DLG2: variants seen among roughly 807,000 people sequenced by gnomAD.
DLG2 encodes the protein disks large homolog 2.
DLG2 carries 45 observed loss-of-function variants against 132.5 expected under a neutral mutation model. That is an observed-to-expected ratio of 0.34 (90% CI 0.27 to 0.44). DLG2 has a LOEUF of 0.44. Ranked by LOEUF, DLG2 falls within the 20% of genes least tolerant of loss-of-function variation. The pLI is 1.00. For missense variants in DLG2, 1,045 were observed against 1,196.9 expected, an observed-to-expected ratio of 0.87 and a Z score of 1.87; for synonymous variants, 424 against 419.6, an observed-to-expected ratio of 1.01 and a Z score of -0.13.
intron 7 of DLG2, among the ~76,000 whole-genome samples, chr11:84,449,990 C>T (rs1259176976): frequency 6.6e-6 from 1 of 151,612 alleles, no homozygotes; most frequent in Non-Finnish European, 1.5e-5. Context: ...TTCCATCTAC[C>T]ATCTTATGTA....
chr11:84,676,784 T>C (rs1055129972), intron 6 of DLG2, among the ~76,000 whole-genome samples: 2 of 152,052 alleles, frequency 1.3e-5, no homozygotes, highest in Non-Finnish European at 2.9e-5. Context: ...TACTTAATTA[T>C]ACTGTAATAT....
intron 6 of DLG2, among the ~76,000 whole-genome samples, chr11:84,917,433 T>A (rs1432392288): frequency 3.3e-5 from 5 of 152,228 alleles, no homozygotes; most frequent in Admixed American, 1.3e-4. Context: ...GGTAGATTGC[T>A]AAAAAGGTTT....
At chr11:83,513,241 G>GT (rs2095131720) in intron 21 of DLG2, among the ~76,000 whole-genome samples, 1 of 152,162 alleles carries the variant, frequency 6.6e-6, no homozygotes, top group Non-Finnish European at 1.5e-5. Context: ...GTGTGAGATG[G>GT]TATCTCATTG....
chr11:84,655,520 A>C (rs1241657268), intron 6 of DLG2, among the ~76,000 whole-genome samples: 3 of 152,174 alleles, frequency 2.0e-5, no homozygotes, highest in Middle Eastern at 3.2e-3. Context: ...AAAAATACTA[A>C]GTCACAGAGA....
intron 10 of DLG2, among the ~76,000 whole-genome samples, chr11:84,074,358 A>G (rs2096795579): frequency 6.6e-6 from 1 of 152,084 alleles, no homozygotes; most frequent in Admixed American, 6.6e-5. Context: ...CATTAACAAG[A>G]TCAGTAGCTT....
intron 17 of DLG2, chr11:83,790,663 G>T: frequency 1.0e-6 from 1 of 978,760 alleles, no homozygotes; most frequent in Non-Finnish European, 1.7e-6. Flanking sequence ...GGAGGGACAT[G>T]ATGCGGACCC....
intron 16 of DLG2, among the ~76,000 whole-genome samples, chr11:83,868,178 A>C (rs908139793): frequency 6.6e-6 from 1 of 152,144 alleles, no homozygotes; most frequent in African/African-American, 2.4e-5. Flanking sequence ...TATCTCCCCC[A>C]CCCAGGGATG....
intron 3 of DLG2, among the ~76,000 whole-genome samples, chr11:85,457,166 T>C (rs2092449029): frequency 6.9e-6 from 1 of 145,716 alleles, no homozygotes; most frequent in South Asian, 2.2e-4. Context: ...TTTTGCATTA[T>C]GTAATGCCCT....
intron 4 of DLG2, among the ~76,000 whole-genome samples, chr11:85,186,998 C>G (rs1467099760): frequency 6.6e-6 from 1 of 151,880 alleles, no homozygotes; most frequent in East Asian, 1.9e-4. Flanking sequence ...TATATTAAAG[C>G]CCTGGATGTG....
At chr11:84,357,539 T>C (rs1403760755) in intron 7 of DLG2, among the ~76,000 whole-genome samples, 3 of 152,014 alleles carry the variant, frequency 2.0e-5, no homozygotes, top group Non-Finnish European at 4.4e-5. Context: ...TGGCAGTGCT[T>C]GTGTCCCCAA....
chr11:84,997,398 G>A (rs1016824460), intron 6 of DLG2: 1 of 152,122 alleles, frequency 6.6e-6, no homozygotes, highest in African/African-American at 2.4e-5. Flanking sequence ...ACCAACTCTT[G>A]CTTCGTCTTG....
intron 7 of DLG2, among the ~76,000 whole-genome samples, chr11:84,328,970 A>G (rs1031191373): frequency 3.3e-5 from 5 of 152,222 alleles, no homozygotes; most frequent in African/African-American, 1.2e-4. Context: ...AGGATGATGT[A>G]GTGAACTTTA....
intron 8 of DLG2, among the ~76,000 whole-genome samples, chr11:84,165,178 C>T (rs1019091701): frequency 2.6e-5 from 4 of 151,772 alleles, no homozygotes; most frequent in African/African-American, 9.7e-5. Flanking sequence ...AGTGCTTCTC[C>T]AAACTGAATC....
intron 4 of DLG2, among the ~76,000 whole-genome samples, chr11:85,205,325 T>TA (rs954750749): frequency 6.6e-5 from 10 of 151,144 alleles, no homozygotes; most frequent in African/African-American, 1.9e-4. Context: ...ATTTGGGAGC[T>TA]AAAAAAAAGT....
At chr11:85,299,619 G>A (rs1423663507) in intron 3 of DLG2, among the ~76,000 whole-genome samples, 2 of 152,064 alleles carry the variant, frequency 1.3e-5, no homozygotes, top group African/African-American at 4.8e-5. Flanking sequence ...AAAGTTAAAG[G>A]CCAAGTCACA....
intron 7 of DLG2, among the ~76,000 whole-genome samples, chr11:84,288,964 C>T (rs974757825): frequency 6.6e-6 from 1 of 152,004 alleles, no homozygotes; most frequent in Non-Finnish European, 1.5e-5. Flanking sequence ...CGCAAGAATT[C>T]TTTTTTCATC....
chr11:83,484,039 G>T, intron 22 of DLG2, 90 bp downstream of exon 22: 1 of 1,017,372 alleles, frequency 9.8e-7, no homozygotes, highest in Non-Finnish European at 1.5e-6. Context: ...GCCTAGGTGT[G>T]TGGCGTGGGA....
intron 6 of DLG2, among the ~76,000 whole-genome samples, chr11:84,893,543 T>A (rs1037957269): frequency 1.3e-5 from 2 of 152,180 alleles, no homozygotes; most frequent in African/African-American, 4.8e-5. Context: ...TACCTCCTTA[T>A]GGCTAGGAAT....
At chr11:84,275,653 C>T (rs967752572) in intron 7 of DLG2, among the ~76,000 whole-genome samples, 3 of 152,200 alleles carry the variant, frequency 2.0e-5, no homozygotes, top group Admixed American at 6.5e-5. Flanking sequence ...CACACCCAGC[C>T]GTGCTATAAT....
Sources: allele counts gnomAD v4.1 joint callset (sites outside exome capture counted in the v4.1 genomes callset), GRCh38; gene constraint gnomAD v4.1.1; transcripts MANE v1.5; gene names NCBI Gene and HGNC (gene_info 2026-07-23, HGNC 2026-07-21).